Variants in PIBF1 observed in about 807,000 individuals in gnomAD.
PIBF1 encodes progesterone-induced-blocking factor 1.
In PIBF1, 90 loss-of-function variants were observed where a neutral mutation model predicts 112.5. That is an observed-to-expected ratio of 0.80 (90% CI 0.67 to 0.95). PIBF1 has a LOEUF of 0.95. Ranked by LOEUF, PIBF1 falls within the 40% of genes least tolerant of loss-of-function variation. The probability of loss-of-function intolerance (pLI) is 0.00; values close to 1 mark genes in which losing one functional copy is unlikely to be tolerated. For missense variants in PIBF1, 915 were observed against 852.3 expected (o/e 1.07, Z -0.92); for synonymous variants, 301 against 288.6 (o/e 1.04, Z -0.44).
intron 10 of PIBF1, among the ~76,000 whole-genome samples, chr13:72,869,038 C>T (rs1483744293): frequency 6.6e-6 from 1 of 151,954 alleles, no homozygotes; most frequent in Non-Finnish European, 1.5e-5. Context: ...CTAGTTCAAC[C>T]ATTGTGGAAG....
At chr13:72,821,076 G>A (rs939084418) in intron 5 of PIBF1, among the ~76,000 whole-genome samples, 1 of 152,148 alleles carries the variant, frequency 6.6e-6, no homozygotes, top group African/African-American at 2.4e-5. Flanking sequence ...CAAGCATTTA[G>A]ATTATATGCA....
At chr13:72,920,169 G>A (rs561089404) in intron 13 of PIBF1, among the ~76,000 whole-genome samples, 6 of 152,050 alleles carry the variant, frequency 3.9e-5, no homozygotes, top group East Asian at 1.9e-4. Flanking sequence ...ATTCATACTC[G>A]AAATAATGTT....
intron 14 of PIBF1, among the ~76,000 whole-genome samples, chr13:72,937,447 C>G (rs530200669): frequency 2.0e-5 from 3 of 152,220 alleles, no homozygotes; most frequent in African/African-American, 4.8e-5. Context: ...GTTCCCCCAG[C>G]CTTTGTGTTC....
intron 17 of PIBF1, among the ~76,000 whole-genome samples, chr13:73,012,908 T>C (rs1050873388): frequency 3.3e-5 from 5 of 151,352 alleles, no homozygotes; most frequent in Middle Eastern, 3.4e-3. Flanking sequence ...AGAAGAAATA[T>C]TTGAAACAAT....
At chr13:72,817,532 T>C (rs990809999) in intron 5 of PIBF1, among the ~76,000 whole-genome samples, 1 of 152,206 alleles carries the variant, frequency 6.6e-6, no homozygotes. Context: ...TTCTATATAA[T>C]AGGCAGAGTA....
chr13:72,854,229 A>G, intron 10 of PIBF1, 74 bp downstream of exon 10: 1 of 940,146 alleles, frequency 1.1e-6, no homozygotes, highest in African/African-American at 1.6e-5. Flanking sequence ...TAGAAAATGT[A>G]TTTTAAGGAG....
At chr13:72,846,457 C>A (rs2037884883) in intron 9 of PIBF1, among the ~76,000 whole-genome samples, 1 of 152,138 alleles carries the variant, frequency 6.6e-6, no homozygotes, top group African/African-American at 2.4e-5. Context: ...TAGCACAGTT[C>A]TTGTTAAATG....
intron 12 of PIBF1, among the ~76,000 whole-genome samples, chr13:72,913,079 A>G (rs1237717426): frequency 6.6e-6 from 1 of 151,858 alleles, no homozygotes; most frequent in African/African-American, 2.4e-5. Flanking sequence ...TTATTTTTAA[A>G]AAGACAAAAA....
intron 2 of PIBF1, among the ~76,000 whole-genome samples, chr13:72,790,980 A>G (rs2034893237): frequency 6.6e-6 from 1 of 152,132 alleles, no homozygotes; most frequent in Non-Finnish European, 1.5e-5. Flanking sequence ...GGACTTGACG[A>G]TGCAAGAGGA....
chr13:72,859,934 G>A (rs2038616973), intron 10 of PIBF1, among the ~76,000 whole-genome samples: 1 of 152,148 alleles, frequency 6.6e-6, no homozygotes, highest in Non-Finnish European at 1.5e-5. Context: ...AGTATTTTAA[G>A]CGTTCACATA....
In PIBF1 at chr13:72,826,149, A is replaced by C. The variant is rs146798033; in HGVS notation, c.807-861A>C. Among the ~76,000 whole-genome samples, 622 of 152,186 alleles carry C rather than the reference A, an allele frequency of 4.1e-3. 2 individuals carry two copies. Among genetic ancestry groups the C allele is most frequent in the Admixed American group, 0.022 (330 of 15,300 alleles). On this transcript the variant is annotated intron_variant, in intron 6 of 17. Coordinates refer to ENST00000326291, the MANE Select transcript of PIBF1 (RefSeq NM_006346.4). ...TAAAAATAATCTAAACATTCTAAAA[A>C]TAAAAAAGCACAAAATACGTATAGT...
chr13:72,964,986 T>G, intron 14 of PIBF1, among the ~76,000 whole-genome samples: 1 of 152,040 alleles, frequency 6.6e-6, no homozygotes, highest in Non-Finnish European at 1.5e-5. Flanking sequence ...CACTTGAACC[T>G]GGAAGGCGGA....
At chr13:72,949,474 C>A (rs1028544858) in intron 14 of PIBF1, among the ~76,000 whole-genome samples, 1 of 152,062 alleles carries the variant, frequency 6.6e-6, no homozygotes, top group South Asian at 2.1e-4. Flanking sequence ...TGCCACCACA[C>A]CCAGCTAATT....
chr13:72,845,222 GA>G (rs1250699522), intron 9 of PIBF1, among the ~76,000 whole-genome samples: 10 of 150,314 alleles, frequency 6.7e-5, no homozygotes, highest in African/African-American at 2.5e-4. Flanking sequence ...TCCCACTTAT[GA>G]GTGAGAATAT....
intron 16 of PIBF1, among the ~76,000 whole-genome samples, chr13:72,988,323 C>T (rs1167734124): frequency 6.6e-6 from 1 of 152,064 alleles, no homozygotes; most frequent in Non-Finnish European, 1.5e-5. Flanking sequence ...CTCTCTTCCT[C>T]CCTCCAGACC....
intron 5 of PIBF1, among the ~76,000 whole-genome samples, chr13:72,809,436 A>C (rs1298350901): frequency 6.6e-6 from 1 of 151,784 alleles, no homozygotes; most frequent in African/African-American, 2.4e-5. Context: ...GAGAATTTTT[A>C]ATTCTGTTAA....
intron 14 of PIBF1, among the ~76,000 whole-genome samples, chr13:72,932,605 A>G (rs2138775614): frequency 6.6e-6 from 1 of 152,318 alleles, no homozygotes; most frequent in South Asian, 2.1e-4. Context: ...GGCTGACTTC[A>G]AACTACCAAC....
chr13:72,846,654 G>T (rs1368955884), intron 9 of PIBF1, among the ~76,000 whole-genome samples: 3 of 152,188 alleles, frequency 2.0e-5, no homozygotes, highest in Non-Finnish European at 1.5e-5. Context: ...CTGTAGGTGT[G>T]CTCCTACCTC....
chr13:72,849,987 A>G (rs564211566), intron 9 of PIBF1, among the ~76,000 whole-genome samples: 1 of 152,342 alleles, frequency 6.6e-6, no homozygotes, highest in African/African-American at 2.4e-5. Flanking sequence ...TGCTATTGCT[A>G]TTTATTGTCA....
Sources: allele counts gnomAD v4.1 joint callset (sites outside exome capture counted in the v4.1 genomes callset), GRCh38; gene constraint gnomAD v4.1.1; transcripts MANE v1.5; gene names NCBI Gene and HGNC (gene_info 2026-07-23, HGNC 2026-07-21).